PRKN: variants seen among roughly 807,000 people sequenced by gnomAD.
The protein encoded by PRKN is parkin RBR E3 ubiquitin protein ligase, also known as E3 ubiquitin-protein ligase parkin.
In PRKN, 56 loss-of-function variants were observed where a neutral mutation model predicts 59.5. The observed-to-expected ratio is 0.94, with a 90% CI of 0.76 to 1.18. The LOEUF (loss-of-function observed/expected upper bound fraction) is 1.18, where lower values mean the gene tolerates loss of function less well. Among genes scored for constraint, PRKN ranks in the 50% most tolerant of loss-of-function variants. The probability of loss-of-function intolerance (pLI) is 0.00; values close to 1 mark genes in which losing one functional copy is unlikely to be tolerated. For synonymous variants in PRKN, 250 were observed against 222.1 expected (o/e 1.13, Z -1.12); for missense variants, 657 against 596.4 (o/e 1.10, Z -1.06).
At chr6:162,357,817 T>C (rs987786592) in intron 2 of PRKN, among the ~76,000 whole-genome samples, 2 of 152,212 alleles carry the variant, frequency 1.3e-5, no homozygotes, top group African/African-American at 4.8e-5. Context: ...GTAAAGGCTA[T>C]ATACTTTCTG....
chr6:161,436,218 G>T (rs1455436365), intron 9 of PRKN, among the ~76,000 whole-genome samples: 3 of 122,248 alleles, frequency 2.5e-5, no homozygotes, highest in Non-Finnish European at 5.2e-5. Context: ...GAGAGCAGAG[G>T]GTGGGATGGG....
chr6:162,503,135 TC>T lies in PRKN; in HGVS notation c.8-59663del, dbSNP rs1421254071. 2.9e-3 allele frequency among the ~76,000 whole-genome samples: 404 copies of T among 140,088 alleles called. 1 individual carries two copies. Among genetic ancestry groups the T allele is most frequent in the African/African-American group, 0.011 (392 of 37,134 alleles). The allele number at this position is 140,088 out of a possible 152,430, so 91.9% of individuals were successfully genotyped here. A position where few individuals can be genotyped will look rare whatever the true frequency, so the allele number is the denominator to read the frequency against. On this transcript the variant is annotated intron_variant, in intron 1 of 11. Transcript: ENST00000366898. ...CACCCTACAGAAAATAGTCTTCATT[TC>T]TTTTTTTTTTTTTTTTTTTTTTTGT...
At chr6:161,854,814 G>A (rs4523065) in intron 6 of PRKN, among the ~76,000 whole-genome samples, 75,599 of 151,774 alleles carry the variant, frequency 0.5, 19,069 homozygotes, top group East Asian at 0.76. Flanking sequence ...GCCGGGCGCG[G>A]TGGCTCATGC....
Position 161,357,657 on chromosome 6 carries a change from T to C in PRKN, c.1285+2431A>G, listed in dbSNP as rs1202477066. 6.6e-6 allele frequency among the ~76,000 whole-genome samples: 1 copy of C among 152,268 alleles called. No individual in the cohort carries two copies. Among genetic ancestry groups the C allele is most frequent in the Non-Finnish European group, 1.5e-5 (1 of 68,048 alleles). On this transcript the variant is annotated intron_variant, in intron 11 of 11. Transcript: ENST00000366898. This position sits in a 1 kb window ranked among gnomAD's most constrained non-coding sequence, Gnocchi z 5.5. ...ATGCCTAGAGCTACTCACTATGACA[T>C]GGTAACATCTTGTTTCCAGTCTTTT...
rs552715566 is a variant in PRKN, at chr6:161,488,072, G to A, written c.1083+60782C>T. On this transcript the variant is annotated intron_variant, in intron 9 of 11. Coordinates refer to ENST00000366898, the MANE Select transcript of PRKN (RefSeq NM_004562.3). This position sits in a 1 kb window ranked among gnomAD's most constrained non-coding sequence, Gnocchi z 4.5. ...AGTGGTAAGTGATGAAGAAAGCAGG[G>A]CTGGCTTACAGGGTGAGATCGTGCA... is the stretch of plus-strand genomic sequence containing the variant. Among the ~76,000 whole-genome samples the A allele has an allele frequency of 1.3e-5, 2 of 152,356 alleles. No individual in the cohort carries two copies. Among genetic ancestry groups the A allele is most frequent in the East Asian group, 3.9e-4 (2 of 5,184 alleles).
intron 6 of PRKN, among the ~76,000 whole-genome samples, chr6:161,869,410 T>TAAAAG (rs1562349929): frequency 6.7e-6 from 1 of 150,196 alleles, no homozygotes; most frequent in Non-Finnish European, 1.5e-5. Flanking sequence ...TAAAATAAAA[T>TAAAAG]AAAAGAAAGG....
intron 3 of PRKN, among the ~76,000 whole-genome samples, chr6:162,224,287 C>A (rs1583224215): frequency 6.6e-6 from 1 of 152,050 alleles, no homozygotes; most frequent in African/African-American, 2.4e-5. Context: ...TGTACTTTTT[C>A]TATGTTTAGA....
chr6:161,886,479 C>A (rs2128230887), intron 6 of PRKN, among the ~76,000 whole-genome samples: 1 of 152,192 alleles, frequency 6.6e-6, no homozygotes, highest in Non-Finnish European at 1.5e-5. Context: ...GGCGGATCAT[C>A]TGAGGTCAGG....
intron 7 of PRKN, among the ~76,000 whole-genome samples, chr6:161,639,436 C>T (rs6455744): frequency 0.64 from 97,450 of 151,994 alleles, 32,564 homozygotes; most frequent in African/African-American, 0.82. Context: ...GTAGCAGAAA[C>T]ACTCCTGGCC....
At chr6:162,483,285 C>A (rs193072367) in intron 1 of PRKN, among the ~76,000 whole-genome samples, 2 of 151,968 alleles carry the variant, frequency 1.3e-5, no homozygotes, top group African/African-American at 4.8e-5. Context: ...GTGAAGGAAG[C>A]GGGGATGGAT....
intron 9 of PRKN, among the ~76,000 whole-genome samples, chr6:161,441,021 G>C (rs903182361): frequency 6.6e-6 from 1 of 152,164 alleles, no homozygotes; most frequent in Non-Finnish European, 1.5e-5. Flanking sequence ...AAAATGTTCT[G>C]AACTACAAGC....
At chr6:161,815,234 T>C (rs80344271) in intron 6 of PRKN, among the ~76,000 whole-genome samples, 24 of 152,320 alleles carry the variant, frequency 1.6e-4, no homozygotes, top group Non-Finnish European at 2.8e-4. Context: ...TTTTCATATG[T>C]ATAAAATGAA....
intron 2 of PRKN, chr6:162,267,204 C>G (rs780437342): frequency 8.5e-5 from 13 of 152,118 alleles, no homozygotes; most frequent in Non-Finnish European, 1.6e-4. Context: ...GGACGCATTT[C>G]CCTCAGTTGG....
chr6:161,617,852 T>G (rs1005432306), intron 7 of PRKN, among the ~76,000 whole-genome samples: 2 of 152,268 alleles, frequency 1.3e-5, no homozygotes, highest in Non-Finnish European at 2.9e-5. Context: ...AGATATGGCC[T>G]GGGCCTTCCT....
chr6:162,720,820 A>G (rs1010868255), intron 1 of PRKN, among the ~76,000 whole-genome samples: 3 of 152,196 alleles, frequency 2.0e-5, no homozygotes, highest in Admixed American at 1.3e-4. Flanking sequence ...ACTATTCTGC[A>G]CTATTCTGGG....
chr6:162,246,843 T>C (rs1443565038), intron 3 of PRKN, among the ~76,000 whole-genome samples: 5 of 152,154 alleles, frequency 3.3e-5, no homozygotes, highest in Admixed American at 3.3e-4. Flanking sequence ...GCTGACTAAA[T>C]AGAATAATAA....
In PRKN at chr6:161,824,452, T is replaced by C. The variant is rs554023211; in HGVS notation, c.735-38544A>G. Among the ~76,000 whole-genome samples the C allele has an allele frequency of 3.3e-5, 5 of 152,342 alleles. No homozygotes were observed. In the South Asian group the frequency reaches 1.0e-3, roughly 32 times the overall value. On this transcript the variant is annotated intron_variant, in intron 6 of 11. Transcript: ENST00000366898. ...AACCACTTGAGAGAGAATTTACCGG[T>C]ATTTCCACACTTGAAGTGCAGAAAC...
intron 2 of PRKN, among the ~76,000 whole-genome samples, chr6:162,302,959 A>AACACACACACAC (rs1184692308): frequency 1.2e-4 from 6 of 48,204 alleles, no homozygotes; most frequent in Non-Finnish European, 2.0e-4. Context: ...ATATGCCTTA[A>AACACACACACAC]ACATACACAC....
chr6:161,924,985 A>T (rs1429230308), intron 6 of PRKN, among the ~76,000 whole-genome samples: 3 of 152,226 alleles, frequency 2.0e-5, no homozygotes, highest in African/African-American at 7.2e-5. Context: ...ACCTGGCATC[A>T]CTGTTGAGGT....
Sources: allele counts gnomAD v4.1 joint callset (sites outside exome capture counted in the v4.1 genomes callset), GRCh38; gene constraint gnomAD v4.1.1; non-coding constraint Gnocchi (gnomAD v3.1); transcripts MANE v1.5; gene names NCBI Gene and HGNC (gene_info 2026-07-23, HGNC 2026-07-21).